Variants in NUP205 observed in about 807,000 individuals in gnomAD.
NUP205 encodes the protein nuclear pore complex protein Nup205.
Under a neutral mutation model 253.8 loss-of-function variants are expected in NUP205, and 76 were observed. The observed-to-expected ratio is 0.30, with a 90% CI of 0.25 to 0.36. The LOEUF (loss-of-function observed/expected upper bound fraction) is 0.36, where lower values mean the gene tolerates loss of function less well. NUP205 is among the 10% of genes least tolerant of loss of function. The pLI is 1.00. For synonymous variants in NUP205, 832 were observed against 850.1 expected, an observed-to-expected ratio of 0.98 and a Z score of 0.37; for missense variants, 2,162 against 2,425.5, an observed-to-expected ratio of 0.89 and a Z score of 2.28.
At chr7:135,580,113 A>C (rs1467494567) in intron 7 of NUP205, among the ~76,000 whole-genome samples, 1 of 152,234 alleles carries the variant, frequency 6.6e-6, no homozygotes, top group African/African-American at 2.4e-5. Flanking sequence ...AAATCTAGAA[A>C]GGCTTTATTC....
At chr7:135,571,377 C>CATGAGG in intron 2 of NUP205, 130 bp downstream of exon 2, 2 of 441,074 alleles carry the variant, frequency 4.5e-6, no homozygotes, top group Non-Finnish European at 3.6e-6. Context: ...GCCACAGTCT[C>CATGAGG]ATGAGGTCCT....
chr7:135,626,426 T>A, intron 33 of NUP205, 65 bp downstream of exon 33: 3 of 1,468,694 alleles, frequency 2.0e-6, no homozygotes, highest in Non-Finnish European at 2.8e-6. Flanking sequence ...GAAGAAAAAA[T>A]TCCAAACATA....
chr7:135,563,887 G>A (rs1430686883), intron 1 of NUP205, among the ~76,000 whole-genome samples: 1 of 151,982 alleles, frequency 6.6e-6, no homozygotes, highest in Non-Finnish European at 1.5e-5. Flanking sequence ...TACTAGAGAA[G>A]CTGAGGCAGG....
At position 135,616,664 on chromosome 7, in the gene NUP205, G is replaced by A; in HGVS notation, c.3470G>A (p.Gly1157Glu). The A allele has an allele frequency of 1.9e-6, 3 of 1,558,258 alleles. No homozygotes were observed. The highest frequency in any genetic ancestry group is 1.2e-5 in the South Asian group (1 of 81,992). The change falls in exon 25 of 43, where the codon GGA becomes GAA. Residue 1157 changes from glycine (G) to glutamate (E), a missense_variant. By Grantham distance (98) the Gly-to-Glu change is moderately conservative. Transcript: ENST00000285968. ...MPVKPYSDGE[G>E]GIEDENRSVS... is the part of the protein sequence containing the mutation. ...ATTGATATTCCAACAGATGGTGAAG[G>A]AGGAATAGAAGATGAAAACAGGTCT...
chr7:135,584,737 G>A (rs1197616314), intron 7 of NUP205, 95 bp from the exon 8 acceptor site: 3 of 1,063,664 alleles, frequency 2.8e-6, no homozygotes, highest in East Asian at 2.5e-5. Flanking sequence ...AGGCTGGGAA[G>A]ATGTCTGAAC....
chr7:135,626,493 T>G, intron 33 of NUP205, 132 bp downstream of exon 33: 3 of 912,078 alleles, frequency 3.3e-6, no homozygotes, highest in Non-Finnish European at 4.8e-6. Flanking sequence ...GGTCATACTG[T>G]GCCCCTGTCA....
chr7:135,619,757 G>T (rs1329602376), intron 29 of NUP205, 33 bp from the exon 30 acceptor site: 1 of 1,596,750 alleles, frequency 6.3e-7, no homozygotes, highest in Admixed American at 1.8e-5. Context: ...ATTGAGAAAA[G>T]ATTTTCATTT....
intron 5 of NUP205, among the ~76,000 whole-genome samples, chr7:135,577,532 T>G (rs1584644413): frequency 6.6e-6 from 1 of 152,190 alleles, no homozygotes; most frequent in East Asian, 1.9e-4. Flanking sequence ...TGCAGTTGTT[T>G]CAGCTTCGGT....
intron 20 of NUP205, 76 bp downstream of exon 20, chr7:135,606,302 ATTGTT>A: frequency 1.0e-6 from 1 of 959,850 alleles, no homozygotes; most frequent in Non-Finnish European, 1.7e-6. Flanking sequence ...AACACTTGTA[ATTGTT>A]AACTGTTTTA....
intron 13 of NUP205, among the ~76,000 whole-genome samples, chr7:135,596,669 G>T (rs935054684): frequency 6.6e-6 from 1 of 152,022 alleles, no homozygotes; most frequent in South Asian, 2.1e-4. Flanking sequence ...AAGTTTACTG[G>T]CTGGGTGCAG....
intron 8 of NUP205, among the ~76,000 whole-genome samples, chr7:135,587,055 GT>G (rs541860736): frequency 2.3e-3 from 328 of 141,246 alleles, no homozygotes; most frequent in African/African-American, 4.4e-3. Flanking sequence ...GTCTAGCTAT[GT>G]TTTTTTTTTT....
chr7:135,634,362 A>G (rs1794770352), intron 35 of NUP205, among the ~76,000 whole-genome samples: 1 of 152,224 alleles, frequency 6.6e-6, no homozygotes. Context: ...AGCAGTTGAC[A>G]TGCAGGGGAA....
chr7:135,640,711 T>A (rs1427810981), intron 38 of NUP205, among the ~76,000 whole-genome samples: 2 of 152,098 alleles, frequency 1.3e-5, no homozygotes, highest in African/African-American at 4.8e-5. Flanking sequence ...AAAATAACCT[T>A]TATTTAAAGG....
At chr7:135,572,314 C>A (rs1404302831) in intron 2 of NUP205, among the ~76,000 whole-genome samples, 1 of 151,918 alleles carries the variant, frequency 6.6e-6, no homozygotes, top group Non-Finnish European at 1.5e-5. Flanking sequence ...GAATTTCTGA[C>A]CTCTAGTTAG....
At chr7:135,562,756 AG>A (rs1259011626) in intron 1 of NUP205, among the ~76,000 whole-genome samples, 1 of 151,932 alleles carries the variant, frequency 6.6e-6, no homozygotes, top group African/African-American at 2.4e-5. Flanking sequence ...CGTGTTGGCC[AG>A]GATGGTCTTG....
chr7:135,578,997 A>G (rs749999144), intron 7 of NUP205, 82 bp downstream of exon 7: 1 of 1,099,704 alleles, frequency 9.1e-7, no homozygotes, highest in Middle Eastern at 2.1e-4. Context: ...ATTATCTTTG[A>G]CATACATAAG....
rs910939386 is a variant in NUP205, at chr7:135,619,528, A to T, written c.4069A>T (p.Thr1357Ser). The T allele has an allele frequency of 2.5e-6, 4 of 1,613,978 alleles. No individual in the cohort carries two copies. In the African/African-American group the frequency reaches 4.0e-5, roughly 16 times the overall value. ...GGCCGTCCTCACTGAACAGAAGGAAACATCAGTCTTGGGACCAGCAGAGGC... is the reference window on the plus strand; with the variant it reads ...GGCCGTCCTCACTGAACAGAAGGAATCATCAGTCTTGGGACCAGCAGAGGC... ...SQAVLTEQKE[T>S]SVLGPAEAHY... Residue 1357 changes from threonine (T) to serine (S), a missense_variant, in exon 29 of 43, where the codon ACA becomes TCA. Thr to Ser is a moderately conservative substitution (Grantham distance 58). Coordinates refer to ENST00000285968, the MANE Select transcript of NUP205 (RefSeq NM_015135.3).
chr7:135,570,089 A>G lies in NUP205; in HGVS notation c.29-1016A>G, dbSNP rs1012406893. 2.5e-3 allele frequency among the ~76,000 whole-genome samples: 367 copies of G among 149,402 alleles called. 3 individuals carry two copies. Among genetic ancestry groups the G allele is most frequent in the Non-Finnish European group, 2.5e-3 (169 of 67,318 alleles). ...GAGAGAGAGAGAGAGAGAGAGAGAG[A>G]GAGAGAAACTGAAGTTTAAAGAGGT... On this transcript the variant is annotated intron_variant, in intron 1 of 42. Coordinates refer to ENST00000285968, the MANE Select transcript of NUP205 (RefSeq NM_015135.3).
At chr7:135,623,614 T>C (rs888379165) in intron 31 of NUP205, among the ~76,000 whole-genome samples, 1 of 152,240 alleles carries the variant, frequency 6.6e-6, no homozygotes, top group African/African-American at 2.4e-5. Context: ...TTATATTTCT[T>C]GTACAGTATG....
Sources: allele counts gnomAD v4.1 joint callset (sites outside exome capture counted in the v4.1 genomes callset), GRCh38; gene constraint gnomAD v4.1.1; transcripts MANE v1.5; gene names NCBI Gene and HGNC (gene_info 2026-07-23, HGNC 2026-07-21).